Variants in XXYLT1 observed in about 807,000 individuals in gnomAD.
The protein encoded by XXYLT1 is xyloside xylosyltransferase 1.
A neutral mutation model predicts 28.9 loss-of-function variants in XXYLT1; 20 were observed. The observed-to-expected ratio is 0.69, with a 90% CI of 0.49 to 1.00. The LOEUF (loss-of-function observed/expected upper bound fraction) is 1.00. Among genes scored for constraint, XXYLT1 ranks in the 50% least tolerant of loss-of-function variants. The probability of loss-of-function intolerance (pLI) is 0.00; values close to 1 mark genes in which losing one functional copy is unlikely to be tolerated. For missense variants in XXYLT1, 542 were observed against 560.1 expected, an observed-to-expected ratio of 0.97 and a Z score of 0.33; for synonymous variants, 257 against 253.8, an observed-to-expected ratio of 1.01 and a Z score of -0.12.
At chr3:195,167,451 A>C (rs7631633) in intron 2 of XXYLT1, among the ~76,000 whole-genome samples, 41,399 of 151,922 alleles carry the variant, frequency 0.27, 8,060 homozygotes, top group African/African-American at 0.54. Context: ...ATTAGCCGGG[A>C]GTGGTGGTGG....
chr3:195,131,028 C>G (rs1718879848), intron 3 of XXYLT1, among the ~76,000 whole-genome samples: 1 of 152,214 alleles, frequency 6.6e-6, no homozygotes, highest in Non-Finnish European at 1.5e-5. Context: ...CAGGACCATT[C>G]AGGTCCCTCC....
chr3:195,099,804 C>A (rs926699030), intron 3 of XXYLT1, among the ~76,000 whole-genome samples: 3 of 142,664 alleles, frequency 2.1e-5, no homozygotes, highest in African/African-American at 5.2e-5. Flanking sequence ...GCACTCCAGC[C>A]TGGGCGACAC....
intron 3 of XXYLT1, among the ~76,000 whole-genome samples, chr3:195,106,625 C>T (rs894522674): frequency 6.6e-5 from 10 of 152,224 alleles, no homozygotes; most frequent in Admixed American, 3.9e-4. Context: ...ACTGCAGGCA[C>T]GCCGCGGCAG....
intron 1 of XXYLT1, among the ~76,000 whole-genome samples, chr3:195,245,921 C>G (rs549468507): frequency 6.6e-6 from 1 of 152,214 alleles, no homozygotes; most frequent in Non-Finnish European, 1.5e-5. Context: ...CAGAAGCAGG[C>G]GCTGGCACCA....
At chr3:195,251,847 G>A (rs111274144) in intron 1 of XXYLT1, among the ~76,000 whole-genome samples, 2 of 152,176 alleles carry the variant, frequency 1.3e-5, no homozygotes, top group South Asian at 2.1e-4. Flanking sequence ...CAAAGCAGAA[G>A]ATGCACACAC....
intron 2 of XXYLT1, among the ~76,000 whole-genome samples, chr3:195,182,166 C>T (rs1007878362): frequency 6.6e-6 from 1 of 152,180 alleles, no homozygotes; most frequent in Non-Finnish European, 1.5e-5. Flanking sequence ...GTCATTTAAC[C>T]CCTCTGTGCT....
rs1444159280 is a variant in XXYLT1 at position 195,156,572 on chromosome 3, T to G, written c.662A>C (p.Gln221Pro). The G allele has an allele frequency of 1.9e-6, 3 of 1,614,214 alleles. No individual in the cohort carries two copies. The highest frequency in any genetic ancestry group is 1.3e-5 in the African/African-American group (1 of 75,068). ...CAGGTCTAGGTCCAGCTGAATGATC[T>G]GCAGGATCTCTGCGGGAAAGAGAAA... Reference protein sequence around the residue: ...MHQIMPKEILQIIQLDLDLKF... With the variant: ...MHQIMPKEILPIIQLDLDLKF... The change falls in exon 3 of 4, where the codon CAG becomes CCG. Residue 221 changes from glutamine to proline, a missense_variant. Transcript: ENST00000310380.
At chr3:195,138,857 GAAAA>G (rs552573280) in intron 3 of XXYLT1, among the ~76,000 whole-genome samples, 61 of 84,164 alleles carry the variant, frequency 7.2e-4, no homozygotes, top group African/African-American at 2.5e-3. Flanking sequence ...TCTGCCTCAG[GAAAA>G]AAAAAAAAAA....
chr3:195,144,672 G>A (rs887085962), intron 3 of XXYLT1, among the ~76,000 whole-genome samples: 3 of 152,088 alleles, frequency 2.0e-5, no homozygotes, highest in African/African-American at 4.8e-5. Flanking sequence ...CACTGTGCCC[G>A]GCCAAACAGT....
At chr3:195,137,623 G>A (rs772790215) in intron 3 of XXYLT1, among the ~76,000 whole-genome samples, 12 of 152,318 alleles carry the variant, frequency 7.9e-5, no homozygotes, top group Non-Finnish European at 1.0e-4. Flanking sequence ...GTGCTGCTGC[G>A]CACTCTACAT....
At chr3:195,114,259 C>T (rs1717929535) in intron 3 of XXYLT1, among the ~76,000 whole-genome samples, 1 of 152,208 alleles carries the variant, frequency 6.6e-6, no homozygotes, top group African/African-American at 2.4e-5. Flanking sequence ...CACGTGAAGC[C>T]CTGAACTCAG....
chr3:195,204,372 A>G (rs1415291546), intron 2 of XXYLT1, among the ~76,000 whole-genome samples: 1 of 151,880 alleles, frequency 6.6e-6, no homozygotes, highest in African/African-American at 2.4e-5. Flanking sequence ...GAGAGAGAGA[A>G]AACTACCATC....
chr3:195,237,230 G>T (rs1468754470), intron 1 of XXYLT1, among the ~76,000 whole-genome samples: 2 of 152,150 alleles, frequency 1.3e-5, no homozygotes, highest in Non-Finnish European at 2.9e-5. Context: ...ATGGTAACAA[G>T]GCTTGCTGGA....
At chr3:195,116,920 G>A (rs368874749) in intron 3 of XXYLT1, among the ~76,000 whole-genome samples, 3 of 152,002 alleles carry the variant, frequency 2.0e-5, no homozygotes, top group Non-Finnish European at 4.4e-5. Flanking sequence ...GCACACCAGG[G>A]GTCAGAGAAA....
chr3:195,135,541 C>A (rs1719147698), intron 3 of XXYLT1, among the ~76,000 whole-genome samples: 1 of 152,216 alleles, frequency 6.6e-6, no homozygotes, highest in East Asian at 1.9e-4. Flanking sequence ...CACCTCCACA[C>A]TTCCCTGGAG....
At chr3:195,231,640 C>T (rs1458153863) in intron 1 of XXYLT1, among the ~76,000 whole-genome samples, 1 of 152,148 alleles carries the variant, frequency 6.6e-6, no homozygotes, top group African/African-American at 2.4e-5. Flanking sequence ...CTGAAATGAT[C>T]ATATGGTTTT....
chr3:195,117,909 G>A (rs1466614753), intron 3 of XXYLT1, among the ~76,000 whole-genome samples: 1 of 152,230 alleles, frequency 6.6e-6, no homozygotes, highest in East Asian at 1.9e-4. Context: ...GAAATTTCCA[G>A]GAAGAAGAAA....
chr3:195,126,839 GA>G (rs1037835575), intron 3 of XXYLT1, among the ~76,000 whole-genome samples: 1 of 152,192 alleles, frequency 6.6e-6, no homozygotes, highest in Non-Finnish European at 1.5e-5. Context: ...CTGCCTGGTG[GA>G]AAAACACTAC....
Position 195,069,196 on chromosome 3 carries a change from G to C in XXYLT1, c.*519C>G, listed in dbSNP as rs1469725177. ...AATGCGCGTGCAGCAGCCTCCCAGGGTGAGTATGTGATGGGCTGGCATTCG... is the reference window on the plus strand; with the variant it reads ...AATGCGCGTGCAGCAGCCTCCCAGGCTGAGTATGTGATGGGCTGGCATTCG... On this transcript the variant is annotated 3_prime_UTR_variant, in exon 4 of 4. Coordinates refer to ENST00000310380, the MANE Select transcript of XXYLT1 (RefSeq NM_152531.5). 2 of 154,720 alleles carry C rather than the reference G, an allele frequency of 1.3e-5. No homozygotes were observed. Among genetic ancestry groups the C allele is most frequent in the African/African-American group, 4.8e-5 (2 of 41,478 alleles). The allele number at this position is 154,720 out of a possible 1,614,324, so 9.6% of individuals were successfully genotyped here.
Sources: gnomAD v4.1 joint callset for allele counts (sites outside exome capture counted in the v4.1 genomes callset) on GRCh38, gnomAD v4.1.1 for gene constraint, MANE v1.5 for transcripts, NCBI Gene and HGNC (gene_info 2026-07-23, HGNC 2026-07-21) for gene names.